NRK: variants seen among roughly 807,000 people sequenced by gnomAD.
The protein encoded by NRK is nik-related protein kinase.
Under a neutral mutation model 125.2 loss-of-function variants are expected in NRK, and 67 were observed. That is an observed-to-expected ratio of 0.54 (90% confidence interval 0.44 to 0.66). NRK has a LOEUF of 0.66. Among genes scored for constraint, NRK ranks in the 30% least tolerant of loss-of-function variants. The pLI is 0.00. For synonymous variants in NRK, 458 were observed against 429.0 expected (o/e 1.07, Z -0.84); for missense variants, 1,224 against 1,192.9 (o/e 1.03, Z -0.38).
chrX:105,844,867 C>G, intron 2 of NRK, among the ~76,000 whole-genome samples: 1 of 111,981 alleles, frequency 8.9e-6, no homozygotes, highest in Non-Finnish European at 1.9e-5. Flanking sequence ...TTTAAATAGG[C>G]AAAGTATCTG....
Position 105,861,301 on chromosome X carries a change from A to G in NRK, c.124-18898A>G, listed in dbSNP as rs2039599176. On this transcript the variant is annotated intron_variant, in intron 2 of 28. Coordinates refer to ENST00000243300, the MANE Select transcript of NRK (RefSeq NM_198465.4). ...GATAAATCCATTCAGATCATTTGTC[A>G]GTAGAAATCCCTGATAAGATATATG... Among the ~76,000 whole-genome samples, 4 of 112,299 alleles carry G rather than the reference A, an allele frequency of 3.6e-5. No homozygotes were observed. In the South Asian group the frequency reaches 1.5e-3, roughly 41 times the overall value.
chrX:105,932,835 A>C (rs1381988425), intron 19 of NRK, among the ~76,000 whole-genome samples: 1 of 111,598 alleles, frequency 9.0e-6, no homozygotes, highest in Non-Finnish European at 1.9e-5. Context: ...TTCCCAAGGC[A>C]GAGTTATATA....
rs766977311 is a variant in NRK, at chrX:105,937,441, G to A, written c.3658G>A (p.Val1220Ile). 8.5e-7 allele frequency: 1 copy of A among 1,177,577 alleles called. No individual in the cohort carries two copies. Among genetic ancestry groups the A allele is most frequent in the Non-Finnish European group, 1.1e-6 (1 of 871,501 alleles). ...SEICCGSLWG[V>I]NLLLGTRSNL... ...TAGCACTTTTTATATATGAACAGGA[G>A]TCAATTTGCTGTTGGGAACCCGATC... Residue 1220 changes from valine (V) to isoleucine (I), a missense_variant and splice_region_variant, in exon 22 of 29, where the codon GTC becomes ATC. Val to Ile is a conservative substitution (Grantham distance 29). Coordinates refer to ENST00000243300, the MANE Select transcript of NRK (RefSeq NM_198465.4).
At chrX:105,878,107 T>C (rs1408324442) in intron 2 of NRK, among the ~76,000 whole-genome samples, 1 of 111,032 alleles carries the variant, frequency 9.0e-6, no homozygotes, top group African/African-American at 3.3e-5. Context: ...GCAAATCAGT[T>C]TCCAACATGT....
chrX:105,844,011 G>GTGTC (rs1555978629), intron 2 of NRK, among the ~76,000 whole-genome samples: 18 of 87,203 alleles, frequency 2.1e-4, no homozygotes, highest in African/African-American at 6.2e-4. Context: ...GTGTGTGTGT[G>GTGTC]TGTGTGTCTG....
chrX:105,842,022 G>A (rs374674998), intron 2 of NRK, among the ~76,000 whole-genome samples: 15 of 111,087 alleles, frequency 1.4e-4, no homozygotes, highest in African/African-American at 4.9e-4. Flanking sequence ...TGCTTGGCCC[G>A]AGGTCTGTAT....
chrX:105,947,442 C>CAAA (rs753072138), intron 26 of NRK, among the ~76,000 whole-genome samples: 2 of 17,732 alleles, frequency 1.1e-4, no homozygotes, highest in African/African-American at 4.8e-4. Context: ...GACTCCGTCT[C>CAAA]AAAAAAAAAA....
At chrX:105,885,593 T>A (rs779518304) in intron 4 of NRK, among the ~76,000 whole-genome samples, 1 of 112,045 alleles carries the variant, frequency 8.9e-6, no homozygotes, top group South Asian at 3.7e-4. Flanking sequence ...GGCTGAGAAA[T>A]AAGAGTTACA....
rs778162969 is a variant in NRK, at chrX:105,909,123, G to A, written c.1482G>A (p.Gln494=). 21 of 1,211,402 alleles carry A rather than the reference G, an allele frequency of 1.7e-5. No homozygotes were observed. The South Asian group carries it at 2.8e-4, about 16-fold the overall frequency. The change falls in exon 13 of 29, where the codon CAG becomes CAA. Residue 494 remains glutamine, a synonymous_variant. Coordinates refer to ENST00000243300, the MANE Select transcript of NRK (RefSeq NM_198465.4). ...GGGCACCTAGGCTTCTGCAGGTACA[G>A]TCCCAGGTATCCAAAAAGCAGCAGG... ...QVRAPRLLQV[Q]SQVSKKQQAQ... is the part of the protein sequence containing the mutation.
intron 28 of NRK, among the ~76,000 whole-genome samples, chrX:105,954,625 C>T (rs1235428394): frequency 3.6e-5 from 4 of 111,022 alleles, no homozygotes; most frequent in Non-Finnish European, 7.6e-5. Flanking sequence ...CTCCCTGCTT[C>T]CCTTTGTCAC....
intron 13 of NRK, among the ~76,000 whole-genome samples, chrX:105,911,104 C>T (rs2040295428): frequency 9.0e-6 from 1 of 111,474 alleles, no homozygotes; most frequent in African/African-American, 3.3e-5. Context: ...CCCCTCTCTT[C>T]TTCTGTGATT....
intron 2 of NRK, among the ~76,000 whole-genome samples, chrX:105,833,482 G>A (rs1490238094): frequency 9.0e-6 from 1 of 110,773 alleles, no homozygotes; most frequent in Non-Finnish European, 1.9e-5. Context: ...TACTTGTTCT[G>A]ATTCAAATGT....
chrX:105,944,237 A>T (rs2040784080), intron 24 of NRK, among the ~76,000 whole-genome samples, 196 bp downstream of exon 24: 2 of 110,953 alleles, frequency 1.8e-5, no homozygotes, highest in Admixed American at 1.9e-4. Flanking sequence ...ACTCTGGCCC[A>T]GGCTAGAGTG....
At chrX:105,955,461 A>T in intron 28 of NRK, 44 bp from the exon 29 acceptor site, 1 of 725,510 alleles carries the variant, frequency 1.4e-6, no homozygotes, top group Non-Finnish European at 2.1e-6. Context: ...TCTGGTTGCA[A>T]TGTATTAAAT....
At chrX:105,871,275 G>A (rs2039743726) in intron 2 of NRK, among the ~76,000 whole-genome samples, 1 of 110,890 alleles carries the variant, frequency 9.0e-6, no homozygotes, top group Non-Finnish European at 1.9e-5. Context: ...AAAAATTTTG[G>A]GTGGCATCAC....
rs774875266 is a variant in NRK at position 105,863,746 on chromosome X, AT to A, written c.124-16452del. 3.6e-5 allele frequency among the ~76,000 whole-genome samples: 4 copies of A among 112,456 alleles called. No individual in the cohort carries two copies. In the South Asian group the frequency reaches 1.5e-3, roughly 41 times the overall value. On this transcript the variant is annotated intron_variant, in intron 2 of 28. Transcript: ENST00000243300. ...ATTTTGCACTTTTTATACATTTTGTATAAGAGAAGGAGCCTGACAATCTCAG... is the reference window on the plus strand; with the variant it reads ...ATTTTGCACTTTTTATACATTTTGTAAAGAGAAGGAGCCTGACAATCTCAG...
At position 105,873,619 on chromosome X, in the gene NRK, C is replaced by T. The variant is rs190606710; in HGVS notation, c.124-6580C>T. On this transcript the variant is annotated intron_variant, in intron 2 of 28. Transcript: ENST00000243300. ...AACAGGTGCACTCTTGCATTCTCTC[C>T]TTTTCATCTGTCTTCTCTCTATGAC... Among the ~76,000 whole-genome samples, 246 of 111,951 alleles carry T rather than the reference C, an allele frequency of 2.2e-3. 7 individuals are homozygous for T. The East Asian group carries it at 0.064, about 29-fold the overall frequency.
Position 105,949,741 on chromosome X carries a change from A to C in NRK, c.4513+7A>C. 2 of 1,131,816 alleles carry C rather than the reference A, an allele frequency of 1.8e-6. No individual in the cohort carries two copies. The highest frequency in any genetic ancestry group is 2.4e-6 in the Non-Finnish European group (2 of 838,308). 93.3% of individuals were successfully genotyped at this position (1,131,816 alleles called of 1,213,427 possible). A position where few individuals can be genotyped will look rare whatever the true frequency, so the allele number is the denominator to read the frequency against. On this transcript the variant is annotated splice_region_variant and intron_variant, in intron 27 of 28. Coordinates refer to ENST00000243300, the MANE Select transcript of NRK (RefSeq NM_198465.4). ...GACATACCATCTTCTATAGGTATGT[A>C]TACAATTTATTTCTTCTTCAGGACC... is the stretch of plus-strand genomic sequence containing the variant.
Position 105,945,870 on chromosome X carries a change from A to G in NRK, c.4060-2A>G, listed in dbSNP as rs1320227638. On this transcript the variant is annotated splice_acceptor_variant, in intron 24 of 28. Transcript: ENST00000243300. LOFTEE classifies it high-confidence loss of function. ...TGTCTGGCCCTTTTCATTCCCTACC[A>G]AGTATGCATTGATCAATCAGCAGAC... is the stretch of plus-strand genomic sequence containing the variant. The G allele has an allele frequency of 1.2e-5, 14 of 1,204,377 alleles. No homozygotes were observed. The highest frequency in any genetic ancestry group is 1.2e-5 in the Non-Finnish European group (11 of 890,906).
Sources: allele counts gnomAD v4.1 joint callset (sites outside exome capture counted in the v4.1 genomes callset), GRCh38; gene constraint gnomAD v4.1.1; transcripts MANE v1.5; gene names NCBI Gene and HGNC (gene_info 2026-07-23, HGNC 2026-07-21).